Variants in ADAMTS9 observed in about 807,000 individuals in gnomAD.
ADAMTS9 encodes A disintegrin and metalloproteinase with thrombospondin motifs 9.
In ADAMTS9, 107 loss-of-function variants were observed where a neutral mutation model predicts 257.1. The observed-to-expected ratio is 0.42, with a 90% CI of 0.36 to 0.49. ADAMTS9 has a LOEUF of 0.49. ADAMTS9 is among the 20% of genes least tolerant of loss of function. ADAMTS9 has a pLI of 0.03. For synonymous variants in ADAMTS9, 982 were observed against 880.9 expected (o/e 1.11, Z -2.03); for missense variants, 2,353 against 2,469.1 (o/e 0.95, Z 1.00).
At position 64,545,447 on chromosome 3, in the gene ADAMTS9, TG is replaced by T. The variant is rs1193543939; in HGVS notation, c.5064+1310del. ...GCAGCCATAAAAAAGGATGAGTTCA[TG>T]TCCTTTGTAGGGACATGGATGAAAC... On this transcript the variant is annotated intron_variant, in intron 32 of 39. Coordinates refer to ENST00000498707, the MANE Select transcript of ADAMTS9 (RefSeq NM_182920.2). 4.6e-4 allele frequency among the ~76,000 whole-genome samples: 70 copies of T among 152,316 alleles called. 1 individual carries two copies. The highest frequency in any genetic ancestry group is 1.6e-3 in the African/African-American group (66 of 41,570).
intron 16 of ADAMTS9, among the ~76,000 whole-genome samples, chr3:64,627,184 G>C (rs936826713): frequency 6.6e-6 from 1 of 152,142 alleles, no homozygotes; most frequent in African/African-American, 2.4e-5. Context: ...TCTATTCTGG[G>C]TTAATTTGGG....
chr3:64,638,793 G>GA (rs963884718), intron 12 of ADAMTS9, among the ~76,000 whole-genome samples: 4 of 151,102 alleles, frequency 2.6e-5, no homozygotes, highest in Non-Finnish European at 4.4e-5. Context: ...CTTTCAGGGG[G>GA]AAAAAAACTC....
chr3:64,517,416 G>GTTTTTTTTTTTTTTTTTTTTTT lies in ADAMTS9; in HGVS notation c.*6-317_*6-296dup, dbSNP rs755480110. Among the ~76,000 whole-genome samples the GTTTTTTTTTTTTTTTTTTTTTT allele has an allele frequency of 4.2e-3, 223 of 52,664 alleles. 82 individuals carry two copies. Among genetic ancestry groups the GTTTTTTTTTTTTTTTTTTTTTT allele is most frequent in the Non-Finnish European group, 6.9e-3 (180 of 26,244 alleles). The allele number at this position is 52,664 out of a possible 152,430, so 34.5% of individuals were successfully genotyped here. A position where few individuals can be genotyped will look rare whatever the true frequency, so the allele number is the denominator to read the frequency against. On this transcript the variant is annotated intron_variant, in intron 39 of 39. Coordinates refer to ENST00000498707, the MANE Select transcript of ADAMTS9 (RefSeq NM_182920.2). Reference sequence around the variant, plus strand: ...CATCAAGCCCAGCTAATTAAAAATGGTTTTTTTTTTTTTTTTTTTTTTTGC... The same window carrying GTTTTTTTTTTTTTTTTTTTTTT: ...CATCAAGCCCAGCTAATTAAAAATGGTTTTTTTTTTTTTTTTTTTTTTTTTTTTTTTTTTTTTTTTTTTTTGC...
intron 16 of ADAMTS9, among the ~76,000 whole-genome samples, chr3:64,624,629 A>G (rs1051930105): frequency 1.3e-5 from 2 of 152,214 alleles, no homozygotes; most frequent in African/African-American, 4.8e-5. Flanking sequence ...TTCAGATTTC[A>G]CTGTTAAATC....
At chr3:64,613,651 C>A (rs2084709355) in intron 21 of ADAMTS9, 142 bp from the exon 22 acceptor site, 4 of 776,910 alleles carry the variant, frequency 5.1e-6, no homozygotes, top group Non-Finnish European at 7.6e-6. Flanking sequence ...ATATACTAAG[C>A]CTCATTTTTT....
chr3:64,658,836 A>AT (rs766638910), intron 3 of ADAMTS9, 45 bp from the exon 4 acceptor site: 3 of 1,535,788 alleles, frequency 2.0e-6, no homozygotes, highest in Non-Finnish European at 2.6e-6. Flanking sequence ...AGCCACATCT[A>AT]TTTTATATTA....
Position 64,603,785 on chromosome 3 carries a change from C to A in ADAMTS9, c.3747+137G>T, listed in dbSNP as rs141770920. ...CCAACTACACATAAGTGGAGCAGCA[C>A]AATTTAAATCATAAGACAAATCCAG... On this transcript the variant is annotated intron_variant, in intron 25 of 39. Coordinates refer to ENST00000498707, the MANE Select transcript of ADAMTS9 (RefSeq NM_182920.2). 2.9e-4 allele frequency: 305 copies of A among 1,036,798 alleles called. 2 individuals are homozygous for A. The African/African-American group carries it at 4.3e-3, about 15-fold the overall frequency. 64.2% of individuals were successfully genotyped at this position (1,036,798 alleles called of 1,614,324 possible).
chr3:64,581,175 C>G (rs1387165777), intron 28 of ADAMTS9, among the ~76,000 whole-genome samples: 1 of 152,132 alleles, frequency 6.6e-6, no homozygotes, highest in Non-Finnish European at 1.5e-5. Context: ...TTTTCCACTT[C>G]TAGTCAAATC....
At chr3:64,517,416 G>GTTTTTTTGTTTTTTTTTTTTTTTTT (rs2082789475) in intron 39 of ADAMTS9, among the ~76,000 whole-genome samples, 2 of 52,638 alleles carry the variant, frequency 3.8e-5, no homozygotes, top group Non-Finnish European at 7.6e-5. Context: ...ATTAAAAATG[G>GTTTTTTTGTTTTTTTTTTTTTTTTT]TTTTTTTTTT....
rs185863281 is a variant in ADAMTS9 at position 64,575,504 on chromosome 3, T to C, written c.4357-6969A>G. Among the ~76,000 whole-genome samples, 4 of 152,262 alleles carry C rather than the reference T, an allele frequency of 2.6e-5. No homozygotes were observed. The East Asian group carries it at 7.7e-4, about 29-fold the overall frequency. Reference sequence around the variant, plus strand: ...CCTAAGCAAGAGTGTAACAACCTCTTGTTCCAAAGCACCAGCAAAGAGCAA... The same window carrying C: ...CCTAAGCAAGAGTGTAACAACCTCTCGTTCCAAAGCACCAGCAAAGAGCAA... On this transcript the variant is annotated intron_variant, in intron 28 of 39. Transcript: ENST00000498707.
At chr3:64,667,033 T>A (rs962395272) in intron 3 of ADAMTS9, among the ~76,000 whole-genome samples, 1 of 152,164 alleles carries the variant, frequency 6.6e-6, no homozygotes, top group African/African-American at 2.4e-5. Context: ...TTTTGTTTTA[T>A]TATTATTTTT....
At chr3:64,602,850 T>C (rs142083121) in intron 25 of ADAMTS9, among the ~76,000 whole-genome samples, 54 of 152,328 alleles carry the variant, frequency 3.5e-4, no homozygotes, top group African/African-American at 1.3e-3. Context: ...TATTTGTTCA[T>C]TGACTGGATC....
intron 29 of ADAMTS9, among the ~76,000 whole-genome samples, chr3:64,564,105 T>C (rs2083479445): frequency 6.6e-6 from 1 of 152,190 alleles, no homozygotes; most frequent in Admixed American, 6.5e-5. Flanking sequence ...TTTAGTTCGT[T>C]TGCAGATGAA....
At chr3:64,550,780 C>A in intron 31 of ADAMTS9, 112 bp downstream of exon 31, 4 of 1,352,358 alleles carry the variant, frequency 3.0e-6, no homozygotes, top group African/African-American at 1.4e-5. Context: ...AGTGGCAAAT[C>A]GGGCGGGTAG....
chr3:64,628,756 C>G (rs541411548), intron 16 of ADAMTS9, among the ~76,000 whole-genome samples: 45 of 152,094 alleles, frequency 3.0e-4, no homozygotes, highest in South Asian at 1.9e-3. Flanking sequence ...TCAAGCTAAC[C>G]CCATTCTCCA....
intron 28 of ADAMTS9, among the ~76,000 whole-genome samples, chr3:64,573,290 C>G (rs939699191): frequency 3.3e-5 from 5 of 152,064 alleles, no homozygotes; most frequent in African/African-American, 1.2e-4. Flanking sequence ...CCCAAGTGGT[C>G]TGGATTGATG....
At chr3:64,542,767 G>A (rs2083142855) in intron 32 of ADAMTS9, among the ~76,000 whole-genome samples, 1 of 152,124 alleles carries the variant, frequency 6.6e-6, no homozygotes, top group African/African-American at 2.4e-5. Flanking sequence ...ACTAAGATCA[G>A]AGCAGAACTG....
At chr3:64,517,332 C>T (rs573132388) in intron 39 of ADAMTS9, among the ~76,000 whole-genome samples, 1 of 151,492 alleles carries the variant, frequency 6.6e-6, no homozygotes, top group African/African-American at 2.4e-5. Context: ...GCCTTGACCT[C>T]CTGGGCAAGC....
intron 32 of ADAMTS9, among the ~76,000 whole-genome samples, chr3:64,543,352 G>A (rs574217171): frequency 4.6e-5 from 7 of 152,260 alleles, no homozygotes; most frequent in East Asian, 1.9e-4. Flanking sequence ...GATGAACATC[G>A]ATGCAAAAAT....
Sources: gnomAD v4.1 joint callset for allele counts (sites outside exome capture counted in the v4.1 genomes callset) on GRCh38, gnomAD v4.1.1 for gene constraint, MANE v1.5 for transcripts, NCBI Gene and HGNC (gene_info 2026-07-23, HGNC 2026-07-21) for gene names.